Variants in CDC20B observed in about 807,000 individuals in gnomAD.
CDC20B encodes cell division cycle protein 20 homolog B.
CDC20B carries 58 observed loss-of-function variants against 64.1 expected under a neutral mutation model. That is an observed-to-expected ratio of 0.90 (90% CI 0.73 to 1.13). The LOEUF (loss-of-function observed/expected upper bound fraction) is 1.13, where lower values mean the gene tolerates loss of function less well. CDC20B is among the 50% of genes most tolerant of loss of function. The pLI, the probability that CDC20B is intolerant of heterozygous loss-of-function variation, is 0.00. For missense variants in CDC20B, 597 were observed against 633.0 expected (o/e 0.94, Z 0.61); for synonymous variants, 243 against 230.6 (o/e 1.05, Z -0.49).
intron 11 of CDC20B, among the ~76,000 whole-genome samples, chr5:55,117,281 G>T (rs1742647210): frequency 6.6e-6 from 1 of 152,124 alleles, no homozygotes. Flanking sequence ...CATGACTATG[G>T]TTAACAGGGT....
rs767311182 is a variant in CDC20B at position 55,172,585 on chromosome 5, C to CA, written c.126+2dup. ...AGAGAACAAGAACAAGCCCTGGACT[C>CA]ACGTTGGCGGAATCTTGACTTCTCT... On this transcript the variant is annotated splice_region_variant and intron_variant, in intron 2 of 11. Transcript: ENST00000381375. 1.2e-6 allele frequency: 2 copies of CA among 1,609,756 alleles called. No homozygotes were observed. The highest frequency in any genetic ancestry group is 1.7e-6 in the Non-Finnish European group (2 of 1,176,064).
At chr5:55,131,239 T>C (rs543118279) in intron 6 of CDC20B, among the ~76,000 whole-genome samples, 7 of 152,232 alleles carry the variant, frequency 4.6e-5, no homozygotes, top group Non-Finnish European at 8.8e-5. Flanking sequence ...AAGATGTTTA[T>C]ATATTGTGTG....
chr5:55,154,000 A>T (rs148747264), intron 2 of CDC20B, among the ~76,000 whole-genome samples: 1 of 152,324 alleles, frequency 6.6e-6, no homozygotes, highest in Non-Finnish European at 1.5e-5. Context: ...GAACAGGAGC[A>T]ATCTAAACTC....
Position 55,160,115 on chromosome 5 carries a change from G to A in CDC20B, c.126+12473C>T, listed in dbSNP as rs984209575. ...GTCAGCCTGTCCTTCCTGGTTTTCC[G>A]TTAAACTAAGCCGGTTTCAAGTTTC... On this transcript the variant is annotated intron_variant, in intron 2 of 11. Coordinates refer to ENST00000381375, the MANE Select transcript of CDC20B (RefSeq NM_001170402.1). 8.2e-6 allele frequency: 9 copies of A among 1,095,648 alleles called. No individual in the cohort carries two copies. The Admixed American group carries it at 1.6e-4, about 19-fold the overall frequency. The allele number at this position is 1,095,648 out of a possible 1,614,324, so 67.9% of individuals were successfully genotyped here.
chr5:55,127,593 A>G (rs1042157865), intron 7 of CDC20B, among the ~76,000 whole-genome samples: 13 of 152,184 alleles, frequency 8.5e-5, no homozygotes, highest in Non-Finnish European at 5.9e-5. Context: ...CAGTTGTTTT[A>G]AAGCTCCCCA....
chr5:55,118,279 A>G (rs555708610), intron 11 of CDC20B, among the ~76,000 whole-genome samples: 2 of 152,340 alleles, frequency 1.3e-5, no homozygotes, highest in African/African-American at 2.4e-5. Context: ...TACTGTATGT[A>G]GAAGAAACTA....
In CDC20B at chr5:55,161,157, A is replaced by C. The variant is rs754724476; in HGVS notation, c.126+11431T>G. The C allele has an allele frequency of 6.8e-6, 11 of 1,614,100 alleles. No individual in the cohort carries two copies. The highest frequency in any genetic ancestry group is 1.6e-4 in the Middle Eastern group (1 of 6,084). ...GAGCCCCGCCCAAGCAAGGAAGTAG[A>C]ATCTTTTGCAAGAAAAAACTACGGA... is the stretch of plus-strand genomic sequence containing the variant. On this transcript the variant is annotated intron_variant, in intron 2 of 11. Transcript: ENST00000381375.
intron 6 of CDC20B, among the ~76,000 whole-genome samples, chr5:55,131,653 A>G (rs183256129): frequency 2.6e-5 from 4 of 152,360 alleles, no homozygotes; most frequent in Non-Finnish European, 4.4e-5. Context: ...AGTAGTTTCA[A>G]TTGAATGATG....
intron 11 of CDC20B, among the ~76,000 whole-genome samples, chr5:55,119,258 C>A (rs1742698676): frequency 6.6e-6 from 1 of 152,110 alleles, no homozygotes; most frequent in Admixed American, 6.6e-5. Flanking sequence ...ATTCTAGATG[C>A]ACAAAAGAGG....
At chr5:55,147,257 GTTTTATAT>G (rs1291393096) in intron 2 of CDC20B, among the ~76,000 whole-genome samples, 1 of 109,752 alleles carries the variant, frequency 9.1e-6, no homozygotes, top group Non-Finnish European at 1.8e-5. Flanking sequence ...AATATGTTAT[GTTTTATAT>G]ATTTATATAT....
rs540312223 is a variant in CDC20B at position 55,153,903 on chromosome 5, C to A, written c.127-7047G>T. On this transcript the variant is annotated intron_variant, in intron 2 of 11. Coordinates refer to ENST00000381375, the MANE Select transcript of CDC20B (RefSeq NM_001170402.1). ...AAAGATTGGCAGTGTTAGGCAGACCCCACTACAATATGAGCAAACAGTATG... is the reference window on the plus strand; with the variant it reads ...AAAGATTGGCAGTGTTAGGCAGACCACACTACAATATGAGCAAACAGTATG... Among the ~76,000 whole-genome samples, 5 of 152,180 alleles carry A rather than the reference C, an allele frequency of 3.3e-5. No homozygotes were observed. In the East Asian group the frequency reaches 9.6e-4, roughly 29 times the overall value.
intron 3 of CDC20B, among the ~76,000 whole-genome samples, chr5:55,145,717 T>C (rs900647672): frequency 1.3e-5 from 2 of 151,420 alleles, no homozygotes; most frequent in Non-Finnish European, 2.9e-5. Flanking sequence ...CTCTTGGAGG[T>C]TCTTCTTTCT....
chr5:55,142,857 A>G (rs1197289004), intron 4 of CDC20B, among the ~76,000 whole-genome samples: 1 of 152,232 alleles, frequency 6.6e-6, no homozygotes, highest in Non-Finnish European at 1.5e-5. Context: ...GCCTAAATTG[A>G]GAATTTATGA....
At chr5:55,161,263 T>G in intron 2 of CDC20B, 1 of 1,612,042 alleles carries the variant, frequency 6.2e-7, no homozygotes, top group Admixed American at 1.7e-5. Context: ...TTGGTAAATA[T>G]CTGCCTTGCA....
intron 2 of CDC20B, among the ~76,000 whole-genome samples, chr5:55,152,081 G>A (rs1181208133): frequency 6.6e-6 from 1 of 152,236 alleles, no homozygotes; most frequent in Non-Finnish European, 1.5e-5. Context: ...CAAAGAGGCA[G>A]TGACCGGAGT....
At chr5:55,161,353 C>G in intron 2 of CDC20B, 1 of 1,185,912 alleles carries the variant, frequency 8.4e-7, no homozygotes, top group Non-Finnish European at 1.2e-6. Flanking sequence ...AACGTTGTAT[C>G]GGGAAAGCTT....
At chr5:55,155,643 G>A (rs1464773775) in intron 2 of CDC20B, among the ~76,000 whole-genome samples, 1 of 152,160 alleles carries the variant, frequency 6.6e-6, no homozygotes, top group Non-Finnish European at 1.5e-5. Context: ...CATCCTAGTA[G>A]GCAATATGAC....
At chr5:55,120,668 G>A (rs1742736083) in intron 9 of CDC20B, 118 bp from the exon 10 acceptor site, 2 of 1,225,044 alleles carry the variant, frequency 1.6e-6, no homozygotes, top group East Asian at 2.5e-5. Context: ...AGCTCTCCTG[G>A]GCCTGCTATC....
intron 2 of CDC20B, chr5:55,166,150 A>T (rs1171348885): frequency 6.6e-6 from 1 of 152,220 alleles, no homozygotes; most frequent in Non-Finnish European, 1.5e-5. Flanking sequence ...TGTTTTATGC[A>T]TTCACGTTAG....
Sources: gnomAD v4.1 joint callset for allele counts (sites outside exome capture counted in the v4.1 genomes callset) on GRCh38, gnomAD v4.1.1 for gene constraint, MANE v1.5 for transcripts, NCBI Gene and HGNC (gene_info 2026-07-23, HGNC 2026-07-21) for gene names.